Variants in TAF6 observed in about 807,000 individuals in gnomAD.
TAF6 encodes TATA-box binding protein associated factor 6, also known as transcription initiation factor TFIID subunit 6.
Under a neutral mutation model 73.5 loss-of-function variants are expected in TAF6, and 50 were observed. That is an observed-to-expected ratio of 0.68 (90% confidence interval 0.54 to 0.86). TAF6 has a LOEUF of 0.86. Ranked by LOEUF, TAF6 falls within the 40% of genes least tolerant of loss-of-function variation. TAF6 has a pLI of 0.00. For missense variants in TAF6, 768 were observed against 899.5 expected, an observed-to-expected ratio of 0.85 and a Z score of 1.87; for synonymous variants, 424 against 376.7, an observed-to-expected ratio of 1.13 and a Z score of -1.45.
rs931095973 is a variant in TAF6, at chr7:100,112,360, C to G, written c.575-107G>C. The G allele has an allele frequency of 2.8e-5, 41 of 1,443,358 alleles. 1 individual carries two copies. Among genetic ancestry groups the G allele is most frequent in the Non-Finnish European group, 9.3e-7 (1 of 1,078,526 alleles). 89.4% of individuals were successfully genotyped at this position (1,443,358 alleles called of 1,614,324 possible). The stretch of plus-strand genomic sequence containing the variant: ...CCCTGAGACCCAGGAGACCTGGCTT[C>G]TTCTTAGGCTCCCCCATCCTTTCTG... On this transcript the variant is annotated intron_variant, in intron 6 of 14. Transcript: ENST00000453269.
chr7:100,114,191 G>T lies in TAF6; in HGVS notation c.19C>A (p.Leu7Met). 1 of 1,614,222 alleles carries T rather than the reference G, an allele frequency of 6.2e-7. No individual in the cohort carries two copies. The highest frequency in any genetic ancestry group is 1.1e-5 in the South Asian group (1 of 91,088). Residue 7 changes from leucine (L) to methionine (M), a missense_variant, in exon 2 of 15, where the codon CTG becomes ATG. Leu to Met is a conservative substitution (Grantham distance 15, BLOSUM62 2). Transcript: ENST00000453269. MAEEKKLKLSNTVLPSE... is the reference protein window; with the variant it reads MAEEKKMKLSNTVLPSE... The stretch of plus-strand genomic sequence containing the variant: ...GGCAGCACAGTGTTGCTAAGCTTCA[G>T]CTTCTTCTCCTCAGCCATTCTGGAG...
chr7:100,123,460 G>C (rs992042003), upstream of TAF6, among the ~76,000 whole-genome samples: 16 of 152,100 alleles, frequency 1.1e-4, no homozygotes, highest in Non-Finnish European at 1.9e-4. Flanking sequence ...TTTGAGACCA[G>C]AGTTAGAGAC....
At chr7:100,115,860 A>G (rs547068483) in intron 1 of TAF6, among the ~76,000 whole-genome samples, 1 of 152,100 alleles carries the variant, frequency 6.6e-6, no homozygotes, top group East Asian at 1.9e-4. Context: ...AGTCCCAGCT[A>G]CTCGGGAGGC....
chr7:100,115,830 G>C (rs938314821), intron 1 of TAF6, among the ~76,000 whole-genome samples: 8 of 152,008 alleles, frequency 5.3e-5, no homozygotes, highest in Non-Finnish European at 1.5e-5. Context: ...AACTAGCTTG[G>C]CGTGGTGGCA....
At chr7:100,108,322 T>C in intron 13 of TAF6, 45 bp downstream of exon 13, 1 of 1,557,874 alleles carries the variant, frequency 6.4e-7, no homozygotes, top group South Asian at 1.2e-5. Flanking sequence ...ACACAGGGGT[T>C]CTCCTCTGCT....
At chr7:100,110,123 C>T (rs1797030393) in intron 11 of TAF6, 50 bp from the exon 12 acceptor site, 9 of 1,613,810 alleles carry the variant, frequency 5.6e-6, no homozygotes, top group South Asian at 1.1e-5. Context: ...ACCAGGGTCT[C>T]CCAGATGGGG....
chr7:100,108,282 C>G, intron 13 of TAF6, 85 bp downstream of exon 13: 1 of 1,499,598 alleles, frequency 6.7e-7, no homozygotes, highest in Non-Finnish European at 8.9e-7. Context: ...TGACTGAGGG[C>G]ACATGTGGCT....
At chr7:100,119,697 T>G (rs1343729131), upstream of TAF6, 2 of 1,613,890 alleles carry the variant, frequency 1.2e-6, no homozygotes, top group South Asian at 2.2e-5. Flanking sequence ...CACACTACCT[T>G]CCCGAAGTTG....
chr7:100,114,301 G>C, intron 1 of TAF6, 33 bp from the exon 2 acceptor site: 1 of 1,600,108 alleles, frequency 6.2e-7, no homozygotes, highest in African/African-American at 1.3e-5. Context: ...AGAAGAAAAA[G>C]AAACGTGAGA....
chr7:100,108,139 G>C lies in TAF6; in HGVS notation c.1459-16C>G. On this transcript the variant is annotated splice_polypyrimidine_tract_variant and intron_variant, in intron 13 of 14. Transcript: ENST00000453269. ...TGGGCCGGGGCTGCGGGGAGAAGAGGAAAGGGGGAAGTGGCACCATCTACT... is the reference window on the plus strand; with the variant it reads ...TGGGCCGGGGCTGCGGGGAGAAGAGCAAAGGGGGAAGTGGCACCATCTACT... The C allele has an allele frequency of 6.3e-7, 1 of 1,581,384 alleles. No individual in the cohort carries two copies. The highest frequency in any genetic ancestry group is 1.1e-5 in the South Asian group (1 of 87,624).
chr7:100,113,559 A>G, intron 4 of TAF6, 57 bp downstream of exon 4: 1 of 1,597,576 alleles, frequency 6.3e-7, no homozygotes, highest in Non-Finnish European at 8.5e-7. Context: ...CCTCACACCT[A>G]CACACATCTG....
At chr7:100,107,866 C>A in intron 14 of TAF6, 60 bp downstream of exon 14, 1 of 1,548,822 alleles carries the variant, frequency 6.5e-7, no homozygotes, top group East Asian at 2.3e-5. Context: ...TGGGCCTCCC[C>A]AGGGTGCTCT....
At chr7:100,122,654 T>C (rs2116897976), upstream of TAF6, 1 of 1,510,162 alleles carries the variant, frequency 6.6e-7, no homozygotes. Context: ...CCAGAGGTTA[T>C]CTGCCCATCA....
At position 100,113,454 on chromosome 7, in the gene TAF6, G is replaced by C. The variant is rs761721698; in HGVS notation, c.398-49C>G. 2.6e-6 allele frequency: 4 copies of C among 1,539,028 alleles called. No individual in the cohort carries two copies. In the African/African-American group the frequency reaches 5.5e-5, roughly 21 times the overall value. ...GTGAATTGCCACGCATGGACATTGG[G>C]GAGTTGCCCCATGCTATGGAAGCGT... is the stretch of plus-strand genomic sequence containing the variant. On this transcript the variant is annotated intron_variant, in intron 4 of 14. Coordinates refer to ENST00000453269, the MANE Select transcript of TAF6 (RefSeq NM_139315.3).
chr7:100,117,520 C>T lies in TAF6; in HGVS notation c.-60+1684G>A, dbSNP rs182901595. Among the ~76,000 whole-genome samples the T allele has an allele frequency of 4.3e-3, 646 of 151,738 alleles. 5 individuals are homozygous for T. The highest frequency in any genetic ancestry group is 0.015 in the African/African-American group (631 of 41,494). ...CTCCTGACCTCAGGTGTTCCACCCA[C>T]CCTGGCCTCCCAAAGTGCTGGGATT... On this transcript the variant is annotated intron_variant, in intron 1 of 14. Coordinates refer to ENST00000453269, the MANE Select transcript of TAF6 (RefSeq NM_139315.3).
At chr7:100,125,031 G>A in the TAF6 span, 1 of 964,278 alleles carries the variant, frequency 1.0e-6, no homozygotes, top group East Asian at 2.5e-5. Flanking sequence ...CTAACCTCAG[G>A]CAAGATCCTG....
At chr7:100,122,964 A>C, upstream of TAF6, 1 of 1,559,884 alleles carries the variant, frequency 6.4e-7, no homozygotes, top group South Asian at 1.2e-5. Context: ...GAGGGGAGCT[A>C]GGTTCTAGGG....
the TAF6 span, chr7:100,125,439 C>T: frequency 6.5e-6 from 1 of 152,786 alleles, no homozygotes. Context: ...TAACCCAGAG[C>T]CCACCATATA....
Position 100,107,302 on chromosome 7 carries a change from TC to T in TAF6, c.1977del (p.Thr660LeufsTer45), listed in dbSNP as rs771483366. On this transcript the variant is annotated frameshift_variant, in exon 15 of 15. Transcript: ENST00000453269. LOFTEE classifies it high-confidence loss of function. ...EAGDSPPPAP[G>X]TPKANGSQPN... ...GGCTGGGAGCCATTGGCTTTTGGAGTCCCTGGAGCTGGAGGGGGACTGTCCC... is the reference window on the plus strand; with the variant it reads ...GGCTGGGAGCCATTGGCTTTTGGAGTCCTGGAGCTGGAGGGGGACTGTCCC... 3 of 1,522,830 alleles carry T rather than the reference TC, an allele frequency of 2.0e-6. No homozygotes were observed. In the African/African-American group the frequency reaches 4.2e-5, roughly 21 times the overall value. The allele number at this position is 1,522,830 out of a possible 1,614,324, so 94.3% of individuals were successfully genotyped here.
Sources: allele counts gnomAD v4.1 joint callset (sites outside exome capture counted in the v4.1 genomes callset), GRCh38; gene constraint gnomAD v4.1.1; transcripts MANE v1.5; gene names NCBI Gene and HGNC (gene_info 2026-07-23, HGNC 2026-07-21).